GADL1: variants seen among roughly 807,000 people sequenced by gnomAD.
GADL1 encodes acidic amino acid decarboxylase GADL1.
In GADL1, 71 loss-of-function variants were observed where a neutral mutation model predicts 69.5. The ratio of observed to expected loss-of-function variants is 1.02; its 90% CI spans 0.84 to 1.25. The LOEUF (loss-of-function observed/expected upper bound fraction) is 1.25. Among genes scored for constraint, GADL1 ranks in the 50% most tolerant of loss-of-function variants. The pLI is 0.00. For missense variants in GADL1, 737 were observed against 631.8 expected (o/e 1.17, Z -1.79); for synonymous variants, 254 against 214.4 (o/e 1.18, Z -1.62).
At chr3:30,755,336 T>G (rs527433099) in intron 14 of GADL1, among the ~76,000 whole-genome samples, 2 of 151,226 alleles carry the variant, frequency 1.3e-5, no homozygotes, top group Non-Finnish European at 1.5e-5. Flanking sequence ...AAATGGAGAG[T>G]TCCAAGCCAG....
Position 30,850,849 on chromosome 3 carries a change from C to T in GADL1, c.521G>A (p.Gly174Glu). The stretch of plus-strand genomic sequence containing the variant: ...ATTGTACTCACCTGGGTTAAATATT[C>T]CATCCCCTTCTTTCCAGCCAATAAA... ...IEFIGWKEGD[G>E]IFNPGGSVSN... Residue 174 changes from glycine (G) to glutamate (E), a missense_variant, in exon 5 of 15, where the codon GGA becomes GAA. Coordinates refer to ENST00000282538, the MANE Select transcript of GADL1 (RefSeq NM_207359.3). 1 of 1,545,082 alleles carries T rather than the reference C, an allele frequency of 6.5e-7. No individual in the cohort carries two copies.
chr3:30,873,375 TAGAG>T (rs1475630020), intron 1 of GADL1, among the ~76,000 whole-genome samples: 2 of 151,894 alleles, frequency 1.3e-5, no homozygotes, highest in Non-Finnish European at 2.9e-5. Context: ...AAACTGAAGT[TAGAG>T]AAAGAGAATT....
chr3:30,841,368 C>A (rs572136796), intron 8 of GADL1, among the ~76,000 whole-genome samples: 50 of 152,228 alleles, frequency 3.3e-4, no homozygotes, highest in South Asian at 1.9e-3. Flanking sequence ...AGTATTATGT[C>A]CGTTTCATGT....
chr3:30,738,942 T>C (rs1293224965), intron 14 of GADL1, among the ~76,000 whole-genome samples: 1 of 152,188 alleles, frequency 6.6e-6, no homozygotes, highest in Non-Finnish European at 1.5e-5. Context: ...ATATTTGGCA[T>C]TGGGAAATTA....
intron 2 of GADL1, among the ~76,000 whole-genome samples, chr3:30,859,397 G>A (rs557986744): frequency 3.6e-4 from 54 of 152,022 alleles, no homozygotes; most frequent in Middle Eastern, 3.4e-3. Context: ...GCATTTTGTT[G>A]AGGGTAAACA....
At chr3:30,833,297 A>T (rs1028009043) in intron 11 of GADL1, among the ~76,000 whole-genome samples, 2 of 152,086 alleles carry the variant, frequency 1.3e-5, no homozygotes, top group African/African-American at 4.8e-5. Flanking sequence ...ACAGTGATCC[A>T]GACAGTTTCC....
In GADL1 at chr3:30,736,081, T is replaced by C. The variant is rs553531228; in HGVS notation, c.1393-7666A>G. ...TGTGGCCCTATTGAATTCCATGCTC[T>C]CAATGTTTATTTTGCCTGATGATTA... On this transcript the variant is annotated intron_variant, in intron 14 of 14. Transcript: ENST00000282538. Among the ~76,000 whole-genome samples the C allele has an allele frequency of 6.0e-4, 92 of 152,274 alleles. 1 individual carries two copies. The South Asian group carries it at 7.9e-3, about 13-fold the overall frequency.
chr3:30,887,647 G>A (rs2125547177), intron 1 of GADL1, among the ~76,000 whole-genome samples: 1 of 152,224 alleles, frequency 6.6e-6, no homozygotes, highest in East Asian at 1.9e-4. Flanking sequence ...AGAGAAAAGA[G>A]ACTAAGAGGC....
intron 14 of GADL1, among the ~76,000 whole-genome samples, chr3:30,770,206 T>C (rs778962927): frequency 1.3e-5 from 2 of 152,218 alleles, no homozygotes; most frequent in African/African-American, 2.4e-5. Flanking sequence ...GTCTAGCTTC[T>C]ATACGTACTT....
rs867152523 is a variant in GADL1, at chr3:30,851,714, C to A, written c.429-773G>T. Among the ~76,000 whole-genome samples, 3 of 152,248 alleles carry A rather than the reference C, an allele frequency of 2.0e-5. No individual in the cohort carries two copies. The South Asian group carries it at 6.2e-4, about 32-fold the overall frequency. ...ACTCCAGACCCCTCTTGAAGGGCCACTGTAGTTCCAGAGATCTCCGAGCGT... is the reference window on the plus strand; with the variant it reads ...ACTCCAGACCCCTCTTGAAGGGCCAATGTAGTTCCAGAGATCTCCGAGCGT... On this transcript the variant is annotated intron_variant, in intron 4 of 14. Coordinates refer to ENST00000282538, the MANE Select transcript of GADL1 (RefSeq NM_207359.3).
chr3:30,756,460 C>T (rs1267507176), intron 14 of GADL1, among the ~76,000 whole-genome samples: 3 of 152,158 alleles, frequency 2.0e-5, no homozygotes, highest in African/African-American at 4.8e-5. Flanking sequence ...TATCCTTCTA[C>T]CACTTTTTGC....
At chr3:30,753,360 T>C (rs949053881) in intron 14 of GADL1, among the ~76,000 whole-genome samples, 1 of 151,942 alleles carries the variant, frequency 6.6e-6, no homozygotes, top group African/African-American at 2.4e-5. Flanking sequence ...AAATATGTCT[T>C]TGAAAATATC....
intron 3 of GADL1, 22 bp downstream of exon 3, chr3:30,856,993 G>T (rs1225280305): frequency 1.2e-5 from 18 of 1,540,012 alleles, no homozygotes; most frequent in Non-Finnish European, 1.5e-5. Context: ...TACAGATCAA[G>T]GAAGTAAATT....
intron 6 of GADL1, among the ~76,000 whole-genome samples, chr3:30,847,181 C>A (rs1291432987): frequency 6.6e-6 from 1 of 152,146 alleles, no homozygotes; most frequent in African/African-American, 2.4e-5. Flanking sequence ...CTCTTAGATG[C>A]CTATTTAGCA....
intron 13 of GADL1, among the ~76,000 whole-genome samples, chr3:30,780,569 C>CT (rs1696644296): frequency 6.6e-6 from 1 of 152,220 alleles, no homozygotes; most frequent in Admixed American, 6.5e-5. Flanking sequence ...TGAGTGGACT[C>CT]TAATATGTCA....
intron 14 of GADL1, among the ~76,000 whole-genome samples, chr3:30,764,989 G>A (rs890695598): frequency 1.3e-5 from 2 of 152,140 alleles, no homozygotes; most frequent in African/African-American, 4.8e-5. Flanking sequence ...TGCAGGAAAA[G>A]TCTGACAATG....
chr3:30,846,023 A>G (rs1004832278), intron 6 of GADL1, among the ~76,000 whole-genome samples: 11 of 151,866 alleles, frequency 7.2e-5, no homozygotes, highest in African/African-American at 2.2e-4. Context: ...AGGGCAAAAT[A>G]CAACCCAATG....
intron 14 of GADL1, among the ~76,000 whole-genome samples, chr3:30,753,230 G>C (rs1695875927): frequency 6.6e-6 from 1 of 152,088 alleles, no homozygotes; most frequent in South Asian, 2.1e-4. Context: ...TTCAGATTGT[G>C]TGAATGGAGA....
chr3:30,794,661 T>C (rs898999591), intron 12 of GADL1, among the ~76,000 whole-genome samples: 1 of 152,194 alleles, frequency 6.6e-6, no homozygotes, highest in Non-Finnish European at 1.5e-5. Context: ...CAGGGTCAAA[T>C]GGAAATTAGG....
Sources: gnomAD v4.1 joint callset for allele counts (sites outside exome capture counted in the v4.1 genomes callset) on GRCh38, gnomAD v4.1.1 for gene constraint, MANE v1.5 for transcripts, NCBI Gene and HGNC (gene_info 2026-07-23, HGNC 2026-07-21) for gene names.